The following ANKFN1 variants were observed in gnomAD, a reference collection of about 807,000 sequenced individuals.
ANKFN1 encodes the protein ankyrin repeat and fibronectin type-III domain-containing protein 1.
In ANKFN1, 74 loss-of-function variants were observed where a neutral mutation model predicts 108.7. That is an observed-to-expected ratio of 0.68 (90% CI 0.56 to 0.83). ANKFN1 has a LOEUF of 0.83. Ranked by LOEUF, ANKFN1 falls within the 40% of genes least tolerant of loss-of-function variation. The pLI is 0.00. For synonymous variants in ANKFN1, 547 were observed against 516.2 expected (o/e 1.06, Z -0.81); for missense variants, 1,505 against 1,382.3 (o/e 1.09, Z -1.41).
intron 4 of ANKFN1, among the ~76,000 whole-genome samples, chr17:56,123,570 T>C (rs1906746602): frequency 6.6e-6 from 1 of 152,104 alleles, no homozygotes; most frequent in Non-Finnish European, 1.5e-5. Context: ...CTTTATCCAG[T>C]GAGAATGAAG....
intron 3 of ANKFN1, among the ~76,000 whole-genome samples, chr17:56,261,122 C>G (rs1452487357): frequency 1.3e-5 from 2 of 152,212 alleles, no homozygotes; most frequent in Admixed American, 1.3e-4. Context: ...GAGTCCCACC[C>G]CTAAGCCAGT....
At chr17:56,197,786 G>A (rs1380059318) in intron 1 of ANKFN1, among the ~76,000 whole-genome samples, 1 of 152,200 alleles carries the variant, frequency 6.6e-6, no homozygotes, top group East Asian at 1.9e-4. Context: ...AGCTAAACCA[G>A]CAGTCCCCAA....
chr17:56,506,811 G>T (rs971677962), intron 20 of ANKFN1, among the ~76,000 whole-genome samples: 2 of 152,036 alleles, frequency 1.3e-5, no homozygotes, highest in Admixed American at 6.6e-5. Context: ...TGGCAGCATA[G>T]CAAGTCTTTG....
At chr17:56,079,352 C>G (rs1905217917) in intron 4 of ANKFN1, among the ~76,000 whole-genome samples, 1 of 152,114 alleles carries the variant, frequency 6.6e-6, no homozygotes, top group Non-Finnish European at 1.5e-5. Flanking sequence ...CAATCACATA[C>G]CTAGCAACTA....
chr17:56,363,321 C>T (rs1262824430), intron 6 of ANKFN1, among the ~76,000 whole-genome samples: 1 of 152,076 alleles, frequency 6.6e-6, no homozygotes, highest in African/African-American at 2.4e-5. Flanking sequence ...AAAAAATGAT[C>T]AGCACCTCTA....
At chr17:56,255,217 C>A (rs2043328779) in intron 3 of ANKFN1, among the ~76,000 whole-genome samples, 1 of 152,156 alleles carries the variant, frequency 6.6e-6, no homozygotes, top group Non-Finnish European at 1.5e-5. Flanking sequence ...GTTGTATCTC[C>A]ACAGTCCTTG....
chr17:56,347,526 CA>C, intron 4 of ANKFN1, among the ~76,000 whole-genome samples: 1 of 151,980 alleles, frequency 6.6e-6, no homozygotes, highest in East Asian at 1.9e-4. Context: ...ACTAAAGCTA[CA>C]CTGATTCTCA....
In ANKFN1 at chr17:56,499,110, G is replaced by A. The variant is rs1452669082; in HGVS notation, c.2644+12G>A. On this transcript the variant is annotated intron_variant, in intron 20 of 20. Transcript: ENST00000682825. ...AAAGACAGTGAGTGGTAAGCAATGAGATCTGAAGTTCTGTTGTTTAGTCCC... is the reference window on the plus strand; with the variant it reads ...AAAGACAGTGAGTGGTAAGCAATGAAATCTGAAGTTCTGTTGTTTAGTCCC... The A allele has an allele frequency of 6.5e-7, 1 of 1,534,662 alleles. No homozygotes were observed. The highest frequency in any genetic ancestry group is 1.2e-5 in the South Asian group (1 of 83,950).
In ANKFN1 at chr17:56,511,314, G is replaced by A. The variant is rs1287618240; in HGVS notation, c.*45G>A. Reference sequence around the variant, plus strand: ...CCACCCCTCCATGGCTGCTACCTGCGTTTTACATCACCCTTACCCCCATCC... The same window carrying A: ...CCACCCCTCCATGGCTGCTACCTGCATTTTACATCACCCTTACCCCCATCC... On this transcript the variant is annotated 3_prime_UTR_variant, in exon 21 of 21. Transcript: ENST00000682825. 2.7e-6 allele frequency: 4 copies of A among 1,463,124 alleles called. No individual in the cohort carries two copies. Among genetic ancestry groups the A allele is most frequent in the African/African-American group, 1.4e-5 (1 of 71,384 alleles). 90.6% of individuals were successfully genotyped at this position (1,463,124 alleles called of 1,614,324 possible). A position where few individuals can be genotyped will look rare whatever the true frequency, so the allele number is the denominator to read the frequency against.
intron 4 of ANKFN1, among the ~76,000 whole-genome samples, chr17:56,132,208 A>G (rs983636096): frequency 3.3e-5 from 5 of 152,222 alleles, no homozygotes; most frequent in Non-Finnish European, 4.4e-5. Flanking sequence ...CTCAATTAAT[A>G]TAAAAGTATC....
rs1464856019 is a variant in ANKFN1 at position 56,512,100 on chromosome 17, A to G, written c.*831A>G. On this transcript the variant is annotated 3_prime_UTR_variant, in exon 21 of 21. Transcript: ENST00000682825. ...TGAAAGCCTGAATTACAGATAAGAC[A>G]GGGGAGGGAGAGAGACATGGGCAGA... Among the ~76,000 whole-genome samples the G allele has an allele frequency of 6.7e-6, 1 of 149,890 alleles. No individual in the cohort carries two copies. Among genetic ancestry groups the G allele is most frequent in the Admixed American group, 6.6e-5 (1 of 15,250 alleles).
intron 1 of ANKFN1, among the ~76,000 whole-genome samples, chr17:56,186,994 C>A (rs60474595): frequency 2.6e-5 from 4 of 152,024 alleles, no homozygotes; most frequent in South Asian, 4.1e-4. Flanking sequence ...AGAAGAAAAC[C>A]TAGGCAGTAC....
intron 3 of ANKFN1, among the ~76,000 whole-genome samples, chr17:56,279,589 CCT>C (rs57745525): frequency 0.042 from 6,456 of 152,082 alleles, 462 homozygotes; most frequent in African/African-American, 0.15. Context: ...CAATCTTCCC[CCT>C]CTCTCTGTTT....
At position 56,510,775 on chromosome 17, in the gene ANKFN1, C is replaced by G; in HGVS notation, c.2947C>G (p.His983Asp). 6.5e-7 allele frequency: 1 copy of G among 1,536,164 alleles called. No individual in the cohort carries two copies. Among genetic ancestry groups the G allele is most frequent in the Non-Finnish European group, 8.7e-7 (1 of 1,146,912 alleles). ...CCTCACGGGGTTCACACCCAAGAAC[C>G]ACGCCAAGACTGTGTCCGGTGGGCG... The part of the protein sequence containing the change: ...LTLTGFTPKN[H>D]AKTVSGGRPP... The change falls in exon 21 of 21, where the codon CAC becomes GAC. Residue 983 changes from histidine to aspartate, a missense_variant. Transcript: ENST00000682825.
chr17:56,230,588 A>T (rs1567852314), intron 3 of ANKFN1, among the ~76,000 whole-genome samples: 1 of 152,094 alleles, frequency 6.6e-6, no homozygotes, highest in Non-Finnish European at 1.5e-5. Flanking sequence ...CTACTGGGCC[A>T]GGTCACTGCT....
At chr17:56,130,523 G>A (rs376280806) in intron 4 of ANKFN1, among the ~76,000 whole-genome samples, 6 of 151,888 alleles carry the variant, frequency 4.0e-5, no homozygotes, top group South Asian at 4.2e-4. Flanking sequence ...ACTCAAAATC[G>A]CTGCATCTTT....
intron 1 of ANKFN1, among the ~76,000 whole-genome samples, chr17:56,163,596 C>T (rs564276110): frequency 7.8e-4 from 119 of 152,318 alleles, no homozygotes; most frequent in Non-Finnish European, 1.0e-3. Flanking sequence ...CCCTTGGCAA[C>T]AGATTTCTAC....
At chr17:56,188,583 A>ATG (rs1353944527) in intron 1 of ANKFN1, among the ~76,000 whole-genome samples, 1 of 70,270 alleles carries the variant, frequency 1.4e-5, no homozygotes, top group African/African-American at 7.1e-5. Context: ...GTGTGTGTGT[A>ATG]TATATATATA....
chr17:56,332,135 T>C (rs929987619), intron 4 of ANKFN1, among the ~76,000 whole-genome samples: 1 of 152,150 alleles, frequency 6.6e-6, no homozygotes, highest in Non-Finnish European at 1.5e-5. Context: ...ATGGGTCTTG[T>C]TGGGTCAGGG....
Sources: allele counts gnomAD v4.1 joint callset (sites outside exome capture counted in the v4.1 genomes callset), GRCh38; gene constraint gnomAD v4.1.1; transcripts MANE v1.5; gene names NCBI Gene and HGNC (gene_info 2026-07-23, HGNC 2026-07-21).